The following HDAC9 variants were observed in gnomAD, a reference collection of about 807,000 sequenced individuals.
HDAC9 encodes MEF-2 interacting transcription repressor (MITR) protein.
Under a neutral mutation model 139.4 loss-of-function variants are expected in HDAC9, and 41 were observed. The observed-to-expected ratio is 0.29, with a 90% CI of 0.23 to 0.38. HDAC9 has a LOEUF of 0.38. Among genes scored for constraint, HDAC9 ranks in the 10% least tolerant of loss-of-function variants. The probability of loss-of-function intolerance (pLI) is 1.00; values close to 1 mark genes in which losing one functional copy is unlikely to be tolerated. For missense variants in HDAC9, 1,147 were observed against 1,297.0 expected (o/e 0.88, Z 1.78); for synonymous variants, 517 against 476.2 (o/e 1.09, Z -1.12).
intron 2 of HDAC9, chr7:18,517,982 G>A (rs186718149): frequency 5.9e-5 from 9 of 152,132 alleles, no homozygotes; most frequent in Admixed American, 5.9e-4. Context: ...TCACTCACAT[G>A]CTCACACTTA....
intron 1 of HDAC9, among the ~76,000 whole-genome samples, chr7:18,344,710 A>G (rs1222626663): frequency 6.6e-6 from 1 of 152,036 alleles, no homozygotes; most frequent in African/African-American, 2.4e-5. Flanking sequence ...TCAAAGTGCA[A>G]ATATGCTGTG....
At chr7:18,458,889 AGG>A in intron 1 of HDAC9, 1 of 1,534,034 alleles carries the variant, frequency 6.5e-7, no homozygotes, top group Non-Finnish European at 8.7e-7. Context: ...TGGCTGCTGT[AGG>A]ATCTTCCCAG....
At chr7:18,342,555 TTTAAATGC>T (rs1172971623) in intron 1 of HDAC9, among the ~76,000 whole-genome samples, 4 of 151,848 alleles carry the variant, frequency 2.6e-5, no homozygotes, top group African/African-American at 9.7e-5. Context: ...AGAAAAATGT[TTTAAATGC>T]TTACTTTTTC....
intron 1 of HDAC9, among the ~76,000 whole-genome samples, chr7:18,489,497 G>T (rs1796209821): frequency 6.6e-6 from 1 of 151,728 alleles, no homozygotes; most frequent in African/African-American, 2.4e-5. Flanking sequence ...TTATTATTTT[G>T]AATCCATGCT....
At chr7:18,975,021 G>A (rs1784467316) in intron 24 of HDAC9, among the ~76,000 whole-genome samples, 1 of 152,176 alleles carries the variant, frequency 6.6e-6, no homozygotes, top group South Asian at 2.1e-4. Context: ...AGATTCTCCT[G>A]CTTTGATTTG....
intron 6 of HDAC9, among the ~76,000 whole-genome samples, chr7:18,611,856 A>G (rs895084085): frequency 3.3e-5 from 5 of 152,166 alleles, no homozygotes; most frequent in African/African-American, 1.2e-4. Flanking sequence ...ATGATGAGAG[A>G]TATTTTCAAT....
intron 1 of HDAC9, among the ~76,000 whole-genome samples, chr7:18,458,428 A>G (rs1360020560): frequency 6.6e-6 from 1 of 152,230 alleles, no homozygotes; most frequent in African/African-American, 2.4e-5. Flanking sequence ...CAATAAATAT[A>G]GAATTCAGAT....
At chr7:18,877,989 A>G (rs73320063) in intron 22 of HDAC9, among the ~76,000 whole-genome samples, 2 of 152,156 alleles carry the variant, frequency 1.3e-5, no homozygotes, top group Admixed American at 1.3e-4. Context: ...ATGACTAAAT[A>G]GCTTTTTAAC....
intron 1 of HDAC9, among the ~76,000 whole-genome samples, chr7:18,102,693 C>G (rs897703385): frequency 6.6e-6 from 1 of 152,184 alleles, no homozygotes; most frequent in African/African-American, 2.4e-5. Context: ...GGACAAATCC[C>G]TACAGGATAG....
intron 23 of HDAC9, among the ~76,000 whole-genome samples, chr7:18,953,439 C>A (rs1031079334): frequency 5.3e-5 from 8 of 152,076 alleles, no homozygotes; most frequent in African/African-American, 1.9e-4. Flanking sequence ...TAAAGCTTCT[C>A]TTCATTTCTT....
At chr7:18,433,803 C>T (rs1045078529) in intron 1 of HDAC9, among the ~76,000 whole-genome samples, 2 of 152,196 alleles carry the variant, frequency 1.3e-5, no homozygotes, top group African/African-American at 4.8e-5. Context: ...ATTCCATGCT[C>T]ATTGACAGGA....
chr7:18,863,347 A>T (rs566297361), intron 21 of HDAC9, among the ~76,000 whole-genome samples: 2 of 152,156 alleles, frequency 1.3e-5, no homozygotes, highest in African/African-American at 4.8e-5. Context: ...CATGGGCCAC[A>T]TGGGGCCCAG....
At chr7:18,293,919 G>C (rs910736092) in intron 1 of HDAC9, among the ~76,000 whole-genome samples, 4 of 151,986 alleles carry the variant, frequency 2.6e-5, no homozygotes, top group African/African-American at 9.7e-5. Context: ...AAACATTAGT[G>C]CTTGATTTAA....
At chr7:18,474,062 A>G (rs947988349) in intron 1 of HDAC9, among the ~76,000 whole-genome samples, 2 of 152,228 alleles carry the variant, frequency 1.3e-5, no homozygotes, top group African/African-American at 2.4e-5. Context: ...AGGGGATAGC[A>G]TGGTAACATT....
chr7:18,684,793 T>C (rs929845814), intron 12 of HDAC9, among the ~76,000 whole-genome samples: 5 of 151,972 alleles, frequency 3.3e-5, no homozygotes, highest in African/African-American at 1.2e-4. Flanking sequence ...TATATGTATA[T>C]TTATGAGTGA....
At chr7:18,113,620 A>G (rs1783772611) in intron 1 of HDAC9, among the ~76,000 whole-genome samples, 1 of 152,218 alleles carries the variant, frequency 6.6e-6, no homozygotes, top group East Asian at 1.9e-4. Context: ...CTTCAGCATT[A>G]TAATTTATGA....
At chr7:18,968,958 C>CAAAAAAAAAAAAAA (rs34379636) in intron 24 of HDAC9, among the ~76,000 whole-genome samples, 7 of 45,192 alleles carry the variant, frequency 1.5e-4, no homozygotes, top group African/African-American at 2.8e-4. Flanking sequence ...GCCTCCCTCT[C>CAAAAAAAAAAAAAA]AAAAAAAAAA....
intron 1 of HDAC9, among the ~76,000 whole-genome samples, chr7:18,398,465 A>G (rs1787252399): frequency 6.6e-6 from 1 of 151,920 alleles, no homozygotes; most frequent in African/African-American, 2.4e-5. Context: ...GAGTTTGTTT[A>G]TTTTTGTTTT....
At chr7:18,183,123 C>G (rs1789601388) in intron 2 of HDAC9, among the ~76,000 whole-genome samples, 2 of 152,008 alleles carry the variant, frequency 1.3e-5, no homozygotes, top group South Asian at 4.1e-4. Flanking sequence ...CATTCTCCTG[C>G]CTCAGCTTCC....
Sources: gnomAD v4.1 joint callset for allele counts (sites outside exome capture counted in the v4.1 genomes callset) on GRCh38, gnomAD v4.1.1 for gene constraint, MANE v1.5 for transcripts, NCBI Gene and HGNC (gene_info 2026-07-23, HGNC 2026-07-21) for gene names.